Variants in AGMO observed in about 807,000 individuals in gnomAD.
The protein encoded by AGMO is glyceryl-ether monooxygenase.
Under a neutral mutation model 60.2 loss-of-function variants are expected in AGMO, and 75 were observed. That is an observed-to-expected ratio of 1.25 (90% confidence interval 1.03 to 1.51). The LOEUF (loss-of-function observed/expected upper bound fraction) is 1.51. AGMO is among the 40% of genes most tolerant of loss of function. The pLI is 0.00. For missense variants in AGMO, 763 were observed against 525.5 expected (o/e 1.45, Z -4.42); for synonymous variants, 261 against 177.1 (o/e 1.47, Z -3.76).
At chr7:15,117,764 C>T in the AGMO span, among the ~76,000 whole-genome samples, 2 of 151,966 alleles carry the variant, frequency 1.3e-5, no homozygotes, top group South Asian at 2.1e-4. Flanking sequence ...AATGAGAAAA[C>T]TTCAGATGGG....
chr7:15,397,335 G>A, intron 5 of AGMO, among the ~76,000 whole-genome samples: 1 of 151,846 alleles, frequency 6.6e-6, no homozygotes, highest in East Asian at 1.9e-4. Context: ...CCCGGAACCC[G>A]AGCCGGCCCG....
chr7:15,223,734 A>G (rs914871732), intron 12 of AGMO, among the ~76,000 whole-genome samples: 1 of 151,974 alleles, frequency 6.6e-6, no homozygotes, highest in Non-Finnish European at 1.5e-5. Context: ...AATTTTTCCT[A>G]TATCTTTATT....
intron 10 of AGMO, among the ~76,000 whole-genome samples, chr7:15,368,556 A>C (rs1783075931): frequency 6.6e-6 from 1 of 152,164 alleles, no homozygotes; most frequent in East Asian, 1.9e-4. Flanking sequence ...CGTTTGGTAC[A>C]TTTGAAATAA....
At chr7:15,241,267 T>C (rs1782578495) in intron 12 of AGMO, among the ~76,000 whole-genome samples, 2 of 151,428 alleles carry the variant, frequency 1.3e-5, no homozygotes, top group Non-Finnish European at 2.9e-5. Flanking sequence ...GAGACCATCC[T>C]GGCTAACACG....
chr7:15,251,651 C>T lies in AGMO; in HGVS notation c.1264-50292G>A, dbSNP rs75506188. Among the ~76,000 whole-genome samples, 819 of 152,262 alleles carry T rather than the reference C, an allele frequency of 5.4e-3. 4 individuals carry two copies. Among genetic ancestry groups the T allele is most frequent in the African/African-American group, 0.017 (691 of 41,554 alleles). On this transcript the variant is annotated intron_variant, in intron 12 of 12. Transcript: ENST00000342526. ...TAGATTCAATGGACTGCCCAGTCTA[C>T]GCAGAAGGATCTAGGACAGGAACCA... is the stretch of plus-strand genomic sequence containing the variant.
chr7:15,354,464 G>A (rs1254197840), intron 12 of AGMO, among the ~76,000 whole-genome samples: 2 of 16,754 alleles, frequency 1.2e-4, no homozygotes, highest in African/African-American at 4.2e-4. Flanking sequence ...ATACACACGT[G>A]TGTGTATACA....
At chr7:15,227,585 T>C (rs1169499040) in intron 12 of AGMO, among the ~76,000 whole-genome samples, 1 of 151,722 alleles carries the variant, frequency 6.6e-6, no homozygotes, top group Non-Finnish European at 1.5e-5. Flanking sequence ...CTAAAATCAC[T>C]TGGGACCAAT....
rs1465380880 is a variant in AGMO at position 15,531,303 on chromosome 7, A to C, written c.409+13469T>G. Among the ~76,000 whole-genome samples, 21 of 101,232 alleles carry C rather than the reference A, an allele frequency of 2.1e-4. No individual in the cohort carries two copies. The Admixed American group carries it at 2.1e-3, about 10-fold the overall frequency. The allele number at this position is 101,232 out of a possible 152,430, so 66.4% of individuals were successfully genotyped here. On this transcript the variant is annotated intron_variant, in intron 3 of 12. Transcript: ENST00000342526. ...TACATATTCTCTAAAAATATTCTCTATATATATTCTATACATATATTCTAT... is the reference window on the plus strand; with the variant it reads ...TACATATTCTCTAAAAATATTCTCTCTATATATTCTATACATATATTCTAT...
chr7:15,211,800 C>T (rs1312373010), intron 12 of AGMO, among the ~76,000 whole-genome samples: 4 of 151,874 alleles, frequency 2.6e-5, no homozygotes, highest in Non-Finnish European at 5.9e-5. Context: ...TTGAGCAACA[C>T]AATGGAAATA....
chr7:15,271,058 T>C (rs967580662), intron 12 of AGMO, among the ~76,000 whole-genome samples: 6 of 152,122 alleles, frequency 3.9e-5, no homozygotes, highest in Admixed American at 3.9e-4. Context: ...CTGTTGATGT[T>C]CTAGTTACTA....
intron 5 of AGMO, chr7:15,396,690 C>T (rs761940207): frequency 6.6e-6 from 1 of 151,590 alleles, no homozygotes; most frequent in Non-Finnish European, 1.5e-5. Flanking sequence ...TTACAGAGAG[C>T]TGATTGGTCC....
At chr7:15,396,620 G>A (rs1414962192) in intron 5 of AGMO, 2 of 144,278 alleles carry the variant, frequency 1.4e-5, no homozygotes, top group African/African-American at 5.2e-5. Flanking sequence ...ATCCGGCCCC[G>A]CCCCCTCCCC....
the AGMO span, among the ~76,000 whole-genome samples, chr7:15,124,273 TC>T: frequency 6.6e-6 from 1 of 151,944 alleles, no homozygotes; most frequent in Non-Finnish European, 1.5e-5. Context: ...ACCTTGCCTT[TC>T]ACCTGAGCCA....
At chr7:15,495,547 G>C (rs1368534499) in intron 3 of AGMO, among the ~76,000 whole-genome samples, 1 of 152,166 alleles carries the variant, frequency 6.6e-6, no homozygotes, top group Non-Finnish European at 1.5e-5. Flanking sequence ...AAGTGTGTTT[G>C]ATTTTAAATT....
chr7:15,199,893 T>C (rs1470239117), downstream of AGMO, among the ~76,000 whole-genome samples: 3 of 152,228 alleles, frequency 2.0e-5, no homozygotes, highest in Non-Finnish European at 4.4e-5. Context: ...CTTCCTCTGC[T>C]GTTCCAGTTT....
chr7:15,376,518 A>C (rs1005602426), intron 10 of AGMO, among the ~76,000 whole-genome samples: 2 of 152,142 alleles, frequency 1.3e-5, no homozygotes, highest in Non-Finnish European at 2.9e-5. Flanking sequence ...CCAAATTTAT[A>C]TTGGATACTC....
chr7:15,382,283 C>A (rs1169508630), intron 10 of AGMO, among the ~76,000 whole-genome samples: 2 of 152,116 alleles, frequency 1.3e-5, no homozygotes, highest in South Asian at 2.1e-4. Flanking sequence ...GGATGCCCAG[C>A]CAAAACATAT....
intron 8 of AGMO, among the ~76,000 whole-genome samples, chr7:15,389,369 G>C (rs1343126560): frequency 1.3e-5 from 2 of 152,140 alleles, no homozygotes; most frequent in Admixed American, 1.3e-4. Context: ...AGCTTTCAGT[G>C]TACCATTTCT....
chr7:15,556,389 C>T lies in AGMO; in HGVS notation c.257+3752G>A, dbSNP rs555186920. Among the ~76,000 whole-genome samples, 24 of 151,854 alleles carry T rather than the reference C, an allele frequency of 1.6e-4. No homozygotes were observed. In the East Asian group the frequency reaches 3.1e-3, roughly 20 times the overall value. ...CATATGTATTAAAAGTGCAGTGTCC[C>T]CAACTTTATTTGAAAATTTACCTAC... is the stretch of plus-strand genomic sequence containing the variant. On this transcript the variant is annotated intron_variant, in intron 2 of 12. Transcript: ENST00000342526.
Sources: gnomAD v4.1 joint callset for allele counts (sites outside exome capture counted in the v4.1 genomes callset) on GRCh38, gnomAD v4.1.1 for gene constraint, MANE v1.5 for transcripts, NCBI Gene and HGNC (gene_info 2026-07-23, HGNC 2026-07-21) for gene names.